The following IQCH variants were observed in gnomAD, a reference collection of about 807,000 sequenced individuals.
IQCH encodes the protein IQ motif containing H.
Under a neutral mutation model 117.0 loss-of-function variants are expected in IQCH, and 98 were observed. That is an observed-to-expected ratio of 0.84 (90% CI 0.71 to 0.99). IQCH has a LOEUF of 0.99. IQCH is among the 50% of genes least tolerant of loss of function. IQCH has a pLI of 0.00. For synonymous variants in IQCH, 412 were observed against 448.2 expected, an observed-to-expected ratio of 0.92 and a Z score of 1.02; for missense variants, 1,102 against 1,243.8, an observed-to-expected ratio of 0.89 and a Z score of 1.72.
chr15:67,445,848 T>G lies in IQCH; in HGVS notation c.2506-19279T>G, dbSNP rs2082379294. Among the ~76,000 whole-genome samples the G allele has an allele frequency of 6.6e-6, 1 of 152,156 alleles. No homozygotes were observed. The highest frequency in any genetic ancestry group is 1.5e-5 in the Non-Finnish European group (1 of 68,034). On this transcript the variant is annotated intron_variant, in intron 16 of 20. Transcript: ENST00000335894. The surrounding 1 kb of genome is among the most constrained non-coding windows in gnomAD (Gnocchi z 4.3). ...CAGGAACCAATAGAAGTCCAAATAA[T>G]GCAACAAAATTCACCTCCCATACAG...
At chr15:67,336,004 A>G (rs1209839544) in intron 4 of IQCH, among the ~76,000 whole-genome samples, 1 of 152,006 alleles carries the variant, frequency 6.6e-6, no homozygotes, top group Non-Finnish European at 1.5e-5. Flanking sequence ...CCTTAATGGC[A>G]ATAAGGTATT....
intron 12 of IQCH, among the ~76,000 whole-genome samples, chr15:67,394,537 G>A (rs1043699049): frequency 9.2e-5 from 14 of 152,134 alleles, no homozygotes; most frequent in African/African-American, 3.1e-4. Flanking sequence ...CAGAAACATG[G>A]TTGTGTTAGT....
intron 1 of IQCH, among the ~76,000 whole-genome samples, chr15:67,260,269 T>C (rs989067574): frequency 5.3e-5 from 8 of 152,232 alleles, no homozygotes; most frequent in African/African-American, 1.7e-4. Context: ...GCAGAGAATC[T>C]TGTGCTTTCA....
chr15:67,371,621 T>C (rs1371530800), intron 8 of IQCH: 1 of 798,502 alleles, frequency 1.3e-6, no homozygotes, highest in Non-Finnish European at 2.0e-6. Context: ...TGCTAAAAAG[T>C]GATGATCTTT....
At chr15:67,487,676 G>T (rs1203090808) in intron 18 of IQCH, among the ~76,000 whole-genome samples, 2 of 152,062 alleles carry the variant, frequency 1.3e-5, no homozygotes, top group African/African-American at 4.8e-5. Context: ...TAGAGCCCAG[G>T]TATTAGACGA....
At position 67,364,074 on chromosome 15, in the gene IQCH, A is replaced by AT. The variant is rs1347129092; in HGVS notation, c.753+4190dup. Among the ~76,000 whole-genome samples the AT allele has an allele frequency of 6.6e-6, 1 of 152,202 alleles. No homozygotes were observed. Among genetic ancestry groups the AT allele is most frequent in the Non-Finnish European group, 1.5e-5 (1 of 68,018 alleles). ...TTATAGTCCTTTGGGTATATACCCA[A>AT]TAAGGGGATTGCTGGGTCGAGTGGT... On this transcript the variant is annotated intron_variant, in intron 8 of 20. Transcript: ENST00000335894. This position sits in a 1 kb window ranked among gnomAD's most constrained non-coding sequence, Gnocchi z 4.1.
In IQCH at chr15:67,365,860, G is replaced by T. The variant is rs944865642; in HGVS notation, c.753+5975G>T. 3.9e-5 allele frequency among the ~76,000 whole-genome samples: 6 copies of T among 152,180 alleles called. 1 individual carries two copies. In the East Asian group the frequency reaches 1.2e-3, roughly 29 times the overall value. ...CAGGAGAATCACTTGAACCTGGGAG[G>T]TGGAGGTTGCAGTGAGCTGAGATTG... On this transcript the variant is annotated intron_variant, in intron 8 of 20. Coordinates refer to ENST00000335894, the MANE Select transcript of IQCH (RefSeq NM_001031715.3). The surrounding 1 kb of genome is among the most constrained non-coding windows in gnomAD (Gnocchi z 4.4).
chr15:67,353,754 GA>G (rs1400750923), intron 6 of IQCH, among the ~76,000 whole-genome samples: 1 of 151,730 alleles, frequency 6.6e-6, no homozygotes, highest in Non-Finnish European at 1.5e-5. Context: ...CTACTAAAAT[GA>G]AAAAAGGTCA....
rs1321177345 is a variant in IQCH at position 67,443,704 on chromosome 15, G to C, written c.2506-21423G>C. ...CCTTTGAAACATATTTCAAAGTCCA[G>C]CTCATCATGGATTCCCCCTTAAAGT... On this transcript the variant is annotated intron_variant, in intron 16 of 20. Coordinates refer to ENST00000335894, the MANE Select transcript of IQCH (RefSeq NM_001031715.3). The surrounding 1 kb of genome is among the most constrained non-coding windows in gnomAD (Gnocchi z 5.0). Among the ~76,000 whole-genome samples the C allele has an allele frequency of 6.6e-6, 1 of 152,160 alleles. No homozygotes were observed. The highest frequency in any genetic ancestry group is 1.5e-5 in the Non-Finnish European group (1 of 68,036).
chr15:67,372,387 T>C lies in IQCH; in HGVS notation c.1030T>C (p.Ser344Pro), dbSNP rs1970571269. The C allele has an allele frequency of 1.2e-6, 2 of 1,614,010 alleles. No homozygotes were observed. The highest frequency in any genetic ancestry group is 2.2e-5 in the South Asian group (2 of 91,082). The change falls in exon 9 of 21, where the codon TCA becomes CCA. Residue 344 changes from serine (S) to proline (P), a missense_variant. By Grantham distance (74) the Ser-to-Pro change is moderately conservative. This residue lies in a region of IQCH where 452 missense variants were observed against 449.6 expected (regional missense o/e 1.01). Coordinates refer to ENST00000335894, the MANE Select transcript of IQCH (RefSeq NM_001031715.3). The part of the protein sequence containing the change: ...TNKLTRYDLL[S>P]VLEDPAHVQM... ...TAAACTTACCAGATATGACCTTCTC[T>C]CAGTGTTAGAGGACCCAGCTCATGT... is the stretch of plus-strand genomic sequence containing the variant.
At chr15:67,336,948 T>G in intron 4 of IQCH, 27 bp from the exon 5 acceptor site, 1 of 1,611,326 alleles carries the variant, frequency 6.2e-7, no homozygotes, top group Non-Finnish European at 8.5e-7. Flanking sequence ...CAAAAATGTT[T>G]GCTGAAACAA....
At position 67,418,945 on chromosome 15, in the gene IQCH, C is replaced by A. The variant is rs543507543; in HGVS notation, c.2218+1894C>A. 1.9e-3 allele frequency among the ~76,000 whole-genome samples: 288 copies of A among 151,912 alleles called. 2 individuals are homozygous for A. The highest frequency in any genetic ancestry group is 3.4e-3 in the Middle Eastern group (1 of 294). ...TGATGATCTCCAGGCCCGTCCAGGT[C>A]ATTAGGAAATTTCCAGATCTTCCAG... On this transcript the variant is annotated intron_variant, in intron 15 of 20. Coordinates refer to ENST00000335894, the MANE Select transcript of IQCH (RefSeq NM_001031715.3).
rs1008074464 is a variant in IQCH at position 67,393,155 on chromosome 15, A to G, written c.1633-2136A>G. ...AAGGGAAAGTTATTTCAGAGCTGAAAGGACCCTAGAGACTTCTAATCCAAC... is the reference window on the plus strand; with the variant it reads ...AAGGGAAAGTTATTTCAGAGCTGAAGGGACCCTAGAGACTTCTAATCCAAC... On this transcript the variant is annotated intron_variant, in intron 12 of 20. Coordinates refer to ENST00000335894, the MANE Select transcript of IQCH (RefSeq NM_001031715.3). This position sits in a 1 kb window ranked among gnomAD's most constrained non-coding sequence, Gnocchi z 5.5. Among the ~76,000 whole-genome samples, 5 of 152,222 alleles carry G rather than the reference A, an allele frequency of 3.3e-5. No individual in the cohort carries two copies. Among genetic ancestry groups the G allele is most frequent in the African/African-American group, 9.6e-5 (4 of 41,454 alleles).
chr15:67,316,385 G>A lies in IQCH; in HGVS notation c.388-20590G>A, dbSNP rs74886963. On this transcript the variant is annotated intron_variant, in intron 4 of 20. Coordinates refer to ENST00000335894, the MANE Select transcript of IQCH (RefSeq NM_001031715.3). ...TTTTTAAGATAAGGATTTTCAAACT[G>A]TAACCATTTTACTTGTGGAATTATG... is the stretch of plus-strand genomic sequence containing the variant. Among the ~76,000 whole-genome samples, 407 of 152,240 alleles carry A rather than the reference G, an allele frequency of 2.7e-3. 3 individuals are homozygous for A. Among genetic ancestry groups the A allele is most frequent in the African/African-American group, 9.3e-3 (385 of 41,560 alleles).
chr15:67,470,113 G>A (rs1344182560), intron 17 of IQCH, among the ~76,000 whole-genome samples: 1 of 152,240 alleles, frequency 6.6e-6, no homozygotes, highest in African/African-American at 2.4e-5. Flanking sequence ...CAGCTTCTGA[G>A]TCTCACACAG....
At chr15:67,283,070 A>T (rs1008468592) in intron 4 of IQCH, among the ~76,000 whole-genome samples, 1 of 152,200 alleles carries the variant, frequency 6.6e-6, no homozygotes, top group Non-Finnish European at 1.5e-5. Context: ...TTTGCTGATA[A>T]CTGGCGAAAT....
intron 4 of IQCH, among the ~76,000 whole-genome samples, chr15:67,294,395 A>G (rs916794531): frequency 3.3e-5 from 5 of 152,220 alleles, no homozygotes; most frequent in African/African-American, 4.8e-5. Context: ...ATAAGGAATA[A>G]GATTCCTCAT....
In IQCH at chr15:67,409,486, T is replaced by C. The variant is rs534247574; in HGVS notation, c.2098-7445T>C. Among the ~76,000 whole-genome samples, 6 of 152,320 alleles carry C rather than the reference T, an allele frequency of 3.9e-5. No individual in the cohort carries two copies. In the South Asian group the frequency reaches 1.2e-3, roughly 32 times the overall value. ...AGCTTTGGAATGGAGGCACAACATA[T>C]GTGCCTCAGTTGGACAAAACGCTTC... On this transcript the variant is annotated intron_variant, in intron 14 of 20. Transcript: ENST00000335894.
At position 67,417,067 on chromosome 15, in the gene IQCH, A is replaced by G; in HGVS notation, c.2218+16A>G. On this transcript the variant is annotated intron_variant, in intron 15 of 20. Coordinates refer to ENST00000335894, the MANE Select transcript of IQCH (RefSeq NM_001031715.3). The surrounding 1 kb of genome is among the most constrained non-coding windows in gnomAD (Gnocchi z 4.3). ...CTCAGTCAAGGTAAATAAGACTGTA[A>G]AGTTTCTATTGAGGATTAGTCTACA... 1 of 1,591,674 alleles carries G rather than the reference A, an allele frequency of 6.3e-7. No individual in the cohort carries two copies. The highest frequency in any genetic ancestry group is 8.5e-7 in the Non-Finnish European group (1 of 1,170,732).
Sources: gnomAD v4.1 joint callset for allele counts (sites outside exome capture counted in the v4.1 genomes callset) on GRCh38, gnomAD v4.1.1 for gene constraint, gnomAD v4.1.1 regional missense constraint, Gnocchi (gnomAD v3.1) non-coding constraint, MANE v1.5 for transcripts, NCBI Gene and HGNC (gene_info 2026-07-23, HGNC 2026-07-21) for gene names.